The following DMD variants were observed in gnomAD, a reference collection of about 807,000 sequenced individuals.
DMD encodes the protein dystrophin, also known as mutant dystrophin.
A neutral mutation model predicts 330.1 loss-of-function variants in DMD; 63 were observed. That is an observed-to-expected ratio of 0.19 (90% CI 0.16 to 0.24). The LOEUF is 0.24. DMD is among the 10% of genes least tolerant of loss of function. The pLI is 1.00. For synonymous variants in DMD, 1,223 were observed against 959.8 expected (o/e 1.27, Z -5.07); for missense variants, 3,344 against 2,684.1 (o/e 1.25, Z -5.43).
In DMD at chrX:32,705,439, T is replaced by C. The variant is rs186782038; in HGVS notation, c.650-6146A>G. Among the ~76,000 whole-genome samples the C allele has an allele frequency of 2.4e-3, 268 of 112,158 alleles. 1 individual carries two copies. Among genetic ancestry groups the C allele is most frequent in the Middle Eastern group, 9.2e-3 (2 of 217 alleles). On this transcript the variant is annotated intron_variant, in intron 7 of 78. Transcript: ENST00000357033. ...GAGAAACACAAAACAATTTTATCTT[T>C]TGCACTTTCCATTACGCTTTTCAAC...
intron 9 of DMD, among the ~76,000 whole-genome samples, chrX:32,671,208 T>A (rs1375933739): frequency 9.0e-6 from 1 of 110,993 alleles, no homozygotes; most frequent in Non-Finnish European, 1.9e-5. Flanking sequence ...GCCTAGGTAC[T>A]TATATAATGT....
At chrX:32,552,469 C>T (rs1389751608) in intron 16 of DMD, among the ~76,000 whole-genome samples, 1 of 111,548 alleles carries the variant, frequency 9.0e-6, no homozygotes, top group Non-Finnish European at 1.9e-5. Context: ...CTATAAAAAC[C>T]TAAGAAGATA....
At chrX:32,141,126 T>G (rs2096750291) in intron 44 of DMD, among the ~76,000 whole-genome samples, 1 of 110,753 alleles carries the variant, frequency 9.0e-6, no homozygotes, top group South Asian at 3.9e-4. Context: ...TTTAATATTT[T>G]TAAATGAATA....
At chrX:32,776,210 C>T (rs761126950) in intron 7 of DMD, among the ~76,000 whole-genome samples, 1 of 110,838 alleles carries the variant, frequency 9.0e-6, no homozygotes, top group South Asian at 3.9e-4. Context: ...TCACTATCAA[C>T]ATTGTGGTCA....
rs113776167 is a variant in DMD at position 32,816,473 on chromosome X, A to G, written c.525T>C (p.Ser175=). The G allele has an allele frequency of 8.3e-6, 10 of 1,211,145 alleles. No individual in the cohort carries two copies. Among genetic ancestry groups the G allele is most frequent in the Middle Eastern group, 2.3e-4 (1 of 4,352 alleles). ...DGLALNALIH[S]HRPDLFDWNS... ...TGTCTCAGTAATCTTCTTACCTATGACTATGGATGAGAGCATTCAAAGCCA... is the reference window on the plus strand; with the variant it reads ...TGTCTCAGTAATCTTCTTACCTATGGCTATGGATGAGAGCATTCAAAGCCA... The change falls in exon 6 of 79, where the codon AGT becomes AGC. Residue 175 remains serine, a synonymous_variant. Transcript: ENST00000357033.
chrX:32,780,474 A>T, intron 7 of DMD, among the ~76,000 whole-genome samples: 1 of 112,364 alleles, frequency 8.9e-6, no homozygotes, highest in Non-Finnish European at 1.9e-5. Flanking sequence ...AACCACAGGT[A>T]TATGTTTTAG....
At chrX:31,592,809 G>A (rs2076938978) in intron 55 of DMD, among the ~76,000 whole-genome samples, 1 of 110,246 alleles carries the variant, frequency 9.1e-6, no homozygotes, top group Non-Finnish European at 1.9e-5. Flanking sequence ...AAATTTTCCA[G>A]GGGTTTGTAA....
chrX:31,759,860 G>A (rs1455130654), intron 51 of DMD, among the ~76,000 whole-genome samples: 3 of 111,262 alleles, frequency 2.7e-5, no homozygotes, highest in East Asian at 5.6e-4. Context: ...GACATAGTGC[G>A]AAGAGAAAAG....
At chrX:32,380,917 A>G (rs2147476920) in intron 33 of DMD, among the ~76,000 whole-genome samples, 1 of 111,000 alleles carries the variant, frequency 9.0e-6, no homozygotes, top group Non-Finnish European at 1.9e-5. Flanking sequence ...CATGGTAGAA[A>G]AGAAACCTAT....
In DMD at chrX:32,595,844, G is replaced by A. The variant is rs1182052443; in HGVS notation, c.1515C>T (p.Val505=). 8.3e-7 allele frequency: 1 copy of A among 1,200,149 alleles called. No homozygotes were observed. Among genetic ancestry groups the A allele is most frequent in the Non-Finnish European group, 1.1e-6 (1 of 886,378 alleles). Residue 505 remains valine (V), a synonymous_variant, in exon 13 of 79, where the codon GTC becomes GTT. Coordinates refer to ENST00000357033, the MANE Select transcript of DMD (RefSeq NM_004006.3). ...VLQEDLEQEQ[V]RVNSLTHMVV... is the part of the protein sequence containing the mutation. ...CCATGTGAGTGAGAGAATTGACCCT[G>A]ACTTGTTCTTGTTCTAGATCTTCTT...
At chrX:32,909,702 T>G (rs142899532) in intron 2 of DMD, among the ~76,000 whole-genome samples, 2,692 of 111,975 alleles carry the variant, frequency 0.024, 81 homozygotes, top group African/African-American at 0.083. Context: ...AGTAAGAAAT[T>G]GAATTCAATC....
chrX:33,325,194 C>T (rs2054072234), intron 1 of DMD, among the ~76,000 whole-genome samples: 1 of 111,253 alleles, frequency 9.0e-6, no homozygotes, highest in Non-Finnish European at 1.9e-5. Context: ...TATATAATGT[C>T]AATAGAGAAT....
At chrX:32,491,182 C>G in intron 20 of DMD, 95 bp downstream of exon 20, 3 of 1,055,894 alleles carry the variant, frequency 2.8e-6, no homozygotes, top group South Asian at 1.9e-5. Flanking sequence ...AGAAGGTGAA[C>G]GTTTCATTAC....
intron 12 of DMD, among the ~76,000 whole-genome samples, chrX:32,611,981 A>G (rs1219643381): frequency 8.9e-6 from 1 of 111,751 alleles, no homozygotes; most frequent in Non-Finnish European, 1.9e-5. Flanking sequence ...CTGGAGCTCG[A>G]ATTCTGGCTT....
At chrX:33,292,842 T>C (rs2053532030) in intron 1 of DMD, among the ~76,000 whole-genome samples, 1 of 111,091 alleles carries the variant, frequency 9.0e-6, no homozygotes, top group South Asian at 3.8e-4. Flanking sequence ...TCATCTCCCA[T>C]TGTTGCTCTT....
chrX:32,704,823 G>GCACAA (rs2064459478), intron 7 of DMD, among the ~76,000 whole-genome samples: 1 of 111,960 alleles, frequency 8.9e-6, no homozygotes, highest in Non-Finnish European at 1.9e-5. Context: ...AAACAGAAAG[G>GCACAA]CCTATATGTT....
intron 60 of DMD, among the ~76,000 whole-genome samples, chrX:31,406,322 C>T (rs746341561): frequency 1.8e-5 from 2 of 111,132 alleles, no homozygotes; most frequent in African/African-American, 6.5e-5. Context: ...ATAATGTGTA[C>T]AACAAACCTC....
intron 2 of DMD, among the ~76,000 whole-genome samples, chrX:32,911,627 A>G (rs2087251414): frequency 8.9e-6 from 1 of 111,842 alleles, no homozygotes; most frequent in Non-Finnish European, 1.9e-5. Context: ...CTCATTTTTC[A>G]TTAATGCAAT....
At chrX:32,510,223 T>G (rs940843832) in intron 18 of DMD, among the ~76,000 whole-genome samples, 2 of 111,840 alleles carry the variant, frequency 1.8e-5, no homozygotes, top group African/African-American at 6.5e-5. Context: ...ATCGTGATTT[T>G]TCTGCTGCAG....
Sources: allele counts gnomAD v4.1 joint callset (sites outside exome capture counted in the v4.1 genomes callset), GRCh38; gene constraint gnomAD v4.1.1; transcripts MANE v1.5; gene names NCBI Gene and HGNC (gene_info 2026-07-23, HGNC 2026-07-21).